Variants in SFMBT1 observed in about 807,000 individuals in gnomAD.
SFMBT1 encodes Scm like with four mbt domains 1, also known as scm-like with four MBT domains protein 1.
A neutral mutation model predicts 108.7 loss-of-function variants in SFMBT1; 32 were observed. That is an observed-to-expected ratio of 0.29 (90% CI 0.22 to 0.40). The LOEUF (loss-of-function observed/expected upper bound fraction) is 0.40. Ranked by LOEUF, SFMBT1 falls within the 10% of genes least tolerant of loss-of-function variation. SFMBT1 has a pLI of 1.00. For synonymous variants in SFMBT1, 348 were observed against 369.5 expected (o/e 0.94, Z 0.67); for missense variants, 816 against 1,059.6 (o/e 0.77, Z 3.19).
chr3:53,021,677 T>C (rs1409146561), intron 1 of SFMBT1, among the ~76,000 whole-genome samples: 2 of 151,328 alleles, frequency 1.3e-5, no homozygotes, highest in Non-Finnish European at 2.9e-5. Flanking sequence ...GAAGCAGGAG[T>C]CCCCTTTCAC....
At chr3:53,036,274 C>T (rs1489232350) in intron 1 of SFMBT1, among the ~76,000 whole-genome samples, 4 of 152,124 alleles carry the variant, frequency 2.6e-5, no homozygotes, top group African/African-American at 9.7e-5. Context: ...GGATGCTGGC[C>T]CTTCACCCCT....
At chr3:52,920,515 T>C in intron 12 of SFMBT1, 22 bp downstream of exon 12, 2 of 1,566,140 alleles carry the variant, frequency 1.3e-6, no homozygotes, top group Non-Finnish European at 1.8e-6. Flanking sequence ...ATCAATCCTC[T>C]AACCCAGAAA....
intron 11 of SFMBT1, 75 bp downstream of exon 11, chr3:52,921,630 G>A (rs1702521942): frequency 1.3e-6 from 2 of 1,505,758 alleles, no homozygotes; most frequent in Non-Finnish European, 1.8e-6. Context: ...AAGTTTAACA[G>A]GCAACATTAC....
intron 11 of SFMBT1, among the ~76,000 whole-genome samples, chr3:52,921,152 G>A (rs1247839799): frequency 6.6e-6 from 1 of 152,198 alleles, no homozygotes; most frequent in African/African-American, 2.4e-5. Flanking sequence ...CGCATTAAAT[G>A]CCAATTCTAC....
chr3:52,964,267 T>C (rs917858237), intron 2 of SFMBT1, among the ~76,000 whole-genome samples: 1 of 152,210 alleles, frequency 6.6e-6, no homozygotes, highest in Admixed American at 6.5e-5. Context: ...TCCCAGCAAT[T>C]TGGGAGGCTG....
intron 14 of SFMBT1, among the ~76,000 whole-genome samples, chr3:52,915,060 A>G (rs1702310900): frequency 1.3e-5 from 2 of 152,214 alleles, no homozygotes; most frequent in South Asian, 2.1e-4. Flanking sequence ...CTGAGTGGTT[A>G]GATCAGCTTC....
intron 4 of SFMBT1, among the ~76,000 whole-genome samples, chr3:52,940,601 C>G (rs1369782075): frequency 6.6e-6 from 1 of 151,792 alleles, no homozygotes; most frequent in African/African-American, 2.4e-5. Context: ...TAGTAGAAAG[C>G]CAATTAAGAA....
chr3:52,998,268 T>C (rs1698411313), intron 1 of SFMBT1, among the ~76,000 whole-genome samples: 2 of 149,906 alleles, frequency 1.3e-5, no homozygotes, highest in Non-Finnish European at 3.0e-5. Flanking sequence ...GGCGGGCGCC[T>C]GTAGTCCCAG....
At chr3:52,965,617 C>T (rs986060364) in intron 2 of SFMBT1, among the ~76,000 whole-genome samples, 3 of 151,988 alleles carry the variant, frequency 2.0e-5, no homozygotes, top group African/African-American at 7.3e-5. Flanking sequence ...GATTCCATAT[C>T]CAGCAAAAAT....
intron 10 of SFMBT1, among the ~76,000 whole-genome samples, chr3:52,923,602 G>C (rs995621186): frequency 6.6e-6 from 1 of 151,176 alleles, no homozygotes; most frequent in African/African-American, 2.4e-5. Context: ...GAACTATTCA[G>C]AGTTCCAGAA....
chr3:52,955,414 AAAAT>A (rs554888652), intron 2 of SFMBT1, among the ~76,000 whole-genome samples: 5 of 151,550 alleles, frequency 3.3e-5, no homozygotes, highest in Admixed American at 1.3e-4. Context: ...CTCTATCTCA[AAAAT>A]AAATAAATAA....
chr3:52,928,661 TATAC>T (rs1559514199), intron 8 of SFMBT1, among the ~76,000 whole-genome samples: 14 of 32,292 alleles, frequency 4.3e-4, no homozygotes, highest in East Asian at 2.1e-3. Context: ...TATACACATA[TATAC>T]ATATATACAC....
At position 52,970,905 on chromosome 3, in the gene SFMBT1, G is replaced by A. The variant is rs146009465; in HGVS notation, c.-130-1647C>T. On this transcript the variant is annotated intron_variant, in intron 1 of 20. Transcript: ENST00000394752. ...TCCTAGCACTTTGGGAGGCCAAGGC[G>A]GGCAGATCACTTGAGCCTAGGAGTG... Among the ~76,000 whole-genome samples, 444 of 152,250 alleles carry A rather than the reference G, an allele frequency of 2.9e-3. 4 individuals are homozygous for A. The highest frequency in any genetic ancestry group is 0.01 in the African/African-American group (419 of 41,552).
At chr3:53,007,334 T>A (rs1320064171) in intron 1 of SFMBT1, among the ~76,000 whole-genome samples, 1 of 152,196 alleles carries the variant, frequency 6.6e-6, no homozygotes, top group African/African-American at 2.4e-5. Context: ...CACCGTTGTA[T>A]CAAAAAGTCA....
Position 53,045,985 on chromosome 3 carries a change from C to A in SFMBT1, c.-300G>T, listed in dbSNP as rs892918748. 1 of 150,838 alleles carries A rather than the reference C, an allele frequency of 6.6e-6. No homozygotes were observed. The highest frequency in any genetic ancestry group is 2.4e-5 in the African/African-American group (1 of 41,158). The allele number at this position is 150,838 out of a possible 1,614,324, so 9.3% of individuals were successfully genotyped here. On this transcript the variant is annotated 5_prime_UTR_variant, in exon 1 of 21. Transcript: ENST00000394752. ...CTCCTTCCTGCTGGGTTCGGCGGAG[C>A]GGGGCGGCCGGCAGCTCTCCCCGCC...
intron 1 of SFMBT1, among the ~76,000 whole-genome samples, chr3:53,026,576 G>A (rs756731944): frequency 1.3e-5 from 2 of 151,194 alleles, no homozygotes; most frequent in Non-Finnish European, 2.9e-5. Context: ...ATGGCCACAA[G>A]TTAACAGAGT....
intron 1 of SFMBT1, among the ~76,000 whole-genome samples, chr3:52,974,094 T>G (rs1051962941): frequency 6.6e-6 from 1 of 152,160 alleles, no homozygotes; most frequent in African/African-American, 2.4e-5. Flanking sequence ...TTTAAAGGGC[T>G]TAGAAAGGAC....
intron 1 of SFMBT1, among the ~76,000 whole-genome samples, chr3:53,038,517 G>A (rs1699935834): frequency 6.6e-6 from 1 of 152,088 alleles, no homozygotes; most frequent in Admixed American, 6.5e-5. Flanking sequence ...AACAGTATTA[G>A]GAAACTCATC....
chr3:53,028,875 C>T lies in SFMBT1; in HGVS notation c.-131+16941G>A, dbSNP rs531598147. 4.6e-5 allele frequency among the ~76,000 whole-genome samples: 7 copies of T among 152,166 alleles called. No homozygotes were observed. In the South Asian group the frequency reaches 1.2e-3, roughly 27 times the overall value. ...GTGTGAACACTCTCTGAGCAAGTCA[C>T]AAGAGTTATGGGCTAGGCCGGGCGC... On this transcript the variant is annotated intron_variant, in intron 1 of 20. Transcript: ENST00000394752.
Sources: gnomAD v4.1 joint callset for allele counts (sites outside exome capture counted in the v4.1 genomes callset) on GRCh38, gnomAD v4.1.1 for gene constraint, MANE v1.5 for transcripts, NCBI Gene and HGNC (gene_info 2026-07-23, HGNC 2026-07-21) for gene names.